Variants in GLCCI1 observed in about 807,000 individuals in gnomAD.
GLCCI1 encodes the protein glucocorticoid induced 1.
In GLCCI1, 24 loss-of-function variants were observed where a neutral mutation model predicts 52.2. The ratio of observed to expected loss-of-function variants is 0.46; its 90% CI spans 0.33 to 0.65. The LOEUF is 0.65. GLCCI1 is among the 30% of genes least tolerant of loss of function. GLCCI1 has a pLI of 0.02. For synonymous variants in GLCCI1, 310 were observed against 276.5 expected (o/e 1.12, Z -1.20); for missense variants, 704 against 701.5 (o/e 1.00, Z -0.04).
chr7:8,075,602 T>C (rs1782860623), intron 6 of GLCCI1, among the ~76,000 whole-genome samples: 1 of 152,244 alleles, frequency 6.6e-6, no homozygotes, highest in Non-Finnish European at 1.5e-5. Flanking sequence ...GCCAAACTGG[T>C]GCTGGTTAAG....
chr7:8,078,243 A>T (rs1457281915), intron 6 of GLCCI1, among the ~76,000 whole-genome samples: 3 of 148,400 alleles, frequency 2.0e-5, no homozygotes, highest in Non-Finnish European at 4.5e-5. Context: ...CCACTATTTC[A>T]TAAGAGTCCT....
chr7:8,063,945 G>A (rs534892203), intron 5 of GLCCI1, among the ~76,000 whole-genome samples: 4 of 152,026 alleles, frequency 2.6e-5, no homozygotes, highest in Non-Finnish European at 5.9e-5. Flanking sequence ...ACTTTTTAAT[G>A]GGATTCTTTG....
At chr7:8,083,695 C>T (rs1273498880) in intron 6 of GLCCI1, among the ~76,000 whole-genome samples, 1 of 152,028 alleles carries the variant, frequency 6.6e-6, no homozygotes, top group Non-Finnish European at 1.5e-5. Flanking sequence ...CTAGCTTTCC[C>T]AATAGTATAA....
chr7:7,979,753 C>T lies in GLCCI1; in HGVS notation c.457+9946C>T, dbSNP rs1012923613. On this transcript the variant is annotated intron_variant, in intron 1 of 7. Coordinates refer to ENST00000223145, the MANE Select transcript of GLCCI1 (RefSeq NM_138426.4). ...AATAATACTGTGTAGTAATCTTGGG[C>T]AGTGATGCCTTGTGAGGCTGTTGAG... Among the ~76,000 whole-genome samples, 6 of 152,100 alleles carry T rather than the reference C, an allele frequency of 3.9e-5. No individual in the cohort carries two copies. The South Asian group carries it at 1.0e-3, about 26-fold the overall frequency.
chr7:8,042,845 G>A (rs1782032786), intron 3 of GLCCI1, among the ~76,000 whole-genome samples: 1 of 152,160 alleles, frequency 6.6e-6, no homozygotes, highest in South Asian at 2.1e-4. Flanking sequence ...AGAGTGGCAG[G>A]GTTTGAGAGG....
chr7:8,031,762 A>T (rs1781756502), intron 3 of GLCCI1, among the ~76,000 whole-genome samples: 1 of 152,044 alleles, frequency 6.6e-6, no homozygotes, highest in Admixed American at 6.5e-5. Context: ...ATGGGAAAAG[A>T]TAAAACAGTA....
rs778577371 is a variant in GLCCI1 at position 8,055,449 on chromosome 7, G to C, written c.713G>C (p.Arg238Thr). ...TCCCCAAAGCAGATCGCCAAACTGA[G>C]GCAGCAACTACAACGCAGTAAACAG... Reference protein sequence around the residue: ...DQLKEQIAKLRQQLQRSKQSS... With the variant: ...DQLKEQIAKLTQQLQRSKQSS... The change falls in exon 4 of 8, where the codon AGG (arginine) becomes ACG (threonine). Residue 238 changes from arginine (R) to threonine (T), a missense_variant. Transcript: ENST00000223145. 1.2e-6 allele frequency: 2 copies of C among 1,613,074 alleles called. No individual in the cohort carries two copies. Among genetic ancestry groups the C allele is most frequent in the South Asian group, 1.1e-5 (1 of 91,016 alleles).
chr7:8,085,273 T>C (rs1363000050), intron 7 of GLCCI1, among the ~76,000 whole-genome samples: 1 of 152,198 alleles, frequency 6.6e-6, no homozygotes, highest in East Asian at 1.9e-4. Flanking sequence ...TTTTAATCAT[T>C]AAGAATTGTC....
intron 1 of GLCCI1, among the ~76,000 whole-genome samples, chr7:7,998,496 G>A (rs1407599986): frequency 6.6e-6 from 1 of 152,212 alleles, no homozygotes; most frequent in Non-Finnish European, 1.5e-5. Flanking sequence ...GATTACAGGT[G>A]TGAGCCACCG....
At chr7:8,047,646 C>T (rs1782162380) in intron 3 of GLCCI1, among the ~76,000 whole-genome samples, 1 of 152,172 alleles carries the variant, frequency 6.6e-6, no homozygotes, top group African/African-American at 2.4e-5. Context: ...AAAGCATCTA[C>T]AATTTCAGAA....
chr7:8,077,255 C>G (rs1279224776), intron 6 of GLCCI1, among the ~76,000 whole-genome samples: 1 of 152,168 alleles, frequency 6.6e-6, no homozygotes, highest in Non-Finnish European at 1.5e-5. Flanking sequence ...TTTTGTGTTC[C>G]TCTGAGAAGA....
chr7:8,058,445 G>C (rs576874459), intron 4 of GLCCI1, among the ~76,000 whole-genome samples: 2 of 151,852 alleles, frequency 1.3e-5, no homozygotes, highest in African/African-American at 2.4e-5. Flanking sequence ...TAATAGAAAA[G>C]AAAATTTGAA....
intron 5 of GLCCI1, among the ~76,000 whole-genome samples, chr7:8,061,248 C>T (rs944601420): frequency 2.2e-4 from 33 of 151,862 alleles, no homozygotes; most frequent in African/African-American, 6.5e-4. Context: ...TACAGGTGCC[C>T]GCCACCACAC....
chr7:8,067,128 T>G (rs1192032131), intron 5 of GLCCI1, among the ~76,000 whole-genome samples: 1 of 152,240 alleles, frequency 6.6e-6, no homozygotes, highest in East Asian at 1.9e-4. Context: ...TCCTTTACCA[T>G]TATATACTGA....
chr7:7,974,657 G>A (rs544311744), intron 1 of GLCCI1, among the ~76,000 whole-genome samples: 1 of 152,258 alleles, frequency 6.6e-6, no homozygotes, highest in South Asian at 2.1e-4. Flanking sequence ...ATGGCTAGTC[G>A]GAGAGGGTTT....
At chr7:8,040,002 A>G (rs543775138) in intron 3 of GLCCI1, among the ~76,000 whole-genome samples, 1 of 151,210 alleles carries the variant, frequency 6.6e-6, no homozygotes, top group East Asian at 2.0e-4. Context: ...GTCTCAAAAA[A>G]AAAAAAAAAA....
intron 6 of GLCCI1, among the ~76,000 whole-genome samples, chr7:8,071,397 T>A (rs755963846): frequency 2.0e-5 from 3 of 152,206 alleles, no homozygotes; most frequent in Non-Finnish European, 4.4e-5. Flanking sequence ...CAACTTCATA[T>A]AATGCATAGG....
At chr7:7,981,842 T>A (rs537651460) in intron 1 of GLCCI1, 9 of 433,750 alleles carry the variant, frequency 2.1e-5, no homozygotes, top group South Asian at 1.5e-4. Context: ...AGGCAAAATA[T>A]AATGTTGTAC....
rs143741991 is a variant in GLCCI1, at chr7:8,029,244, G to A, written c.696+6675G>A. On this transcript the variant is annotated intron_variant, in intron 3 of 7. Coordinates refer to ENST00000223145, the MANE Select transcript of GLCCI1 (RefSeq NM_138426.4). ...ACCAAATTCAGCAATACTTTAAAAA[G>A]ATCATTCATCCTGTCCAAGTGGGAT... 6.4e-3 allele frequency among the ~76,000 whole-genome samples: 981 copies of A among 152,230 alleles called. 9 individuals carry two copies. The highest frequency in any genetic ancestry group is 0.023 in the African/African-American group (937 of 41,558).
Sources: gnomAD v4.1 joint callset for allele counts (sites outside exome capture counted in the v4.1 genomes callset) on GRCh38, gnomAD v4.1.1 for gene constraint, MANE v1.5 for transcripts, NCBI Gene and HGNC (gene_info 2026-07-23, HGNC 2026-07-21) for gene names.